TENM2: variants seen among roughly 807,000 people sequenced by gnomAD.
TENM2 encodes the protein teneurin transmembrane protein 2.
Under a neutral mutation model 245.2 loss-of-function variants are expected in TENM2, and 52 were observed. The observed-to-expected ratio is 0.21, with a 90% CI of 0.17 to 0.27. TENM2 has a LOEUF of 0.27. Among genes scored for constraint, TENM2 ranks in the 10% least tolerant of loss-of-function variants. The pLI is 1.00. For synonymous variants in TENM2, 1,363 were observed against 1,438.9 expected (o/e 0.95, Z 1.19); for missense variants, 3,046 against 3,666.8 (o/e 0.83, Z 4.37).
intron 7 of TENM2, among the ~76,000 whole-genome samples, chr5:168,080,608 C>T (rs1791906009): frequency 6.6e-6 from 1 of 152,130 alleles, no homozygotes. Flanking sequence ...TTAAGTGTGT[C>T]CCAGAGATTC....
chr5:167,389,540 C>T (rs567562972), intron 2 of TENM2, among the ~76,000 whole-genome samples: 15 of 151,998 alleles, frequency 9.9e-5, no homozygotes, highest in Non-Finnish European at 1.8e-4. Flanking sequence ...TAATGTAATC[C>T]ATTTCCTCAA....
chr5:166,986,378 A>G, the TENM2 span, among the ~76,000 whole-genome samples: 1 of 152,148 alleles, frequency 6.6e-6, no homozygotes, highest in South Asian at 2.1e-4. Context: ...AATCTTGAGC[A>G]CAGCTTATTT....
At chr5:167,233,136 CTG>C in the TENM2 span, among the ~76,000 whole-genome samples, 1 of 152,150 alleles carries the variant, frequency 6.6e-6, no homozygotes, top group South Asian at 2.1e-4. Flanking sequence ...ACTATGAGCT[CTG>C]GGGTTGGAGG....
chr5:167,568,314 A>G (rs1167500283), intron 2 of TENM2, among the ~76,000 whole-genome samples: 7 of 152,162 alleles, frequency 4.6e-5, no homozygotes, highest in Admixed American at 1.3e-4. Context: ...ATAGGGAGAT[A>G]GCAGGGTACA....
intron 2 of TENM2, among the ~76,000 whole-genome samples, chr5:167,431,963 A>ACT (rs1764273221): frequency 7.3e-6 from 1 of 137,196 alleles, no homozygotes; most frequent in Non-Finnish European, 1.5e-5. Flanking sequence ...ATATATATGT[A>ACT]TATATATATA....
At chr5:167,481,798 C>A (rs2127529705) in intron 2 of TENM2, among the ~76,000 whole-genome samples, 1 of 152,312 alleles carries the variant, frequency 6.6e-6, no homozygotes, top group Middle Eastern at 3.4e-3. Flanking sequence ...CTTTTCATTA[C>A]TAGACTGGTA....
chr5:167,755,735 A>G (rs965638080), intron 2 of TENM2, among the ~76,000 whole-genome samples: 1 of 152,148 alleles, frequency 6.6e-6, no homozygotes, highest in Non-Finnish European at 1.5e-5. Context: ...CCATTCTGTT[A>G]GCTGAATTTT....
At chr5:168,106,922 A>G (rs112281938) in intron 9 of TENM2, among the ~76,000 whole-genome samples, 2,847 of 152,278 alleles carry the variant, frequency 0.019, 92 homozygotes, top group African/African-American at 0.064. Context: ...TTAGCTGGGC[A>G]TGGTAGTGAA....
intron 2 of TENM2, among the ~76,000 whole-genome samples, chr5:167,752,678 A>G (rs1310938395): frequency 6.6e-6 from 1 of 152,188 alleles, no homozygotes; most frequent in African/African-American, 2.4e-5. Flanking sequence ...GATTTCATTC[A>G]CATTGGCTGA....
At chr5:167,346,717 C>T (rs1050328969) in intron 1 of TENM2, among the ~76,000 whole-genome samples, 1 of 152,094 alleles carries the variant, frequency 6.6e-6, no homozygotes, top group Non-Finnish European at 1.5e-5. Context: ...GTTTTGTACG[C>T]ACAGCAAGGA....
chr5:167,470,143 A>G (rs1766922100), intron 2 of TENM2, among the ~76,000 whole-genome samples: 1 of 152,186 alleles, frequency 6.6e-6, no homozygotes, highest in Admixed American at 6.5e-5. Context: ...TCAGAATGAA[A>G]TGGAACCATT....
chr5:167,791,768 A>G (rs977521436), intron 2 of TENM2, among the ~76,000 whole-genome samples: 5 of 152,042 alleles, frequency 3.3e-5, no homozygotes, highest in Non-Finnish European at 7.4e-5. Flanking sequence ...GTGAGCTAGA[A>G]TTAAAAACAA....
At chr5:167,006,113 A>C in the TENM2 span, among the ~76,000 whole-genome samples, 4 of 152,038 alleles carry the variant, frequency 2.6e-5, no homozygotes, top group Admixed American at 1.3e-4. Context: ...TCCCTGCACA[A>C]CTTTTTTCTT....
chr5:167,438,857 G>A (rs192447744), intron 2 of TENM2, among the ~76,000 whole-genome samples: 8 of 148,610 alleles, frequency 5.4e-5, no homozygotes, highest in South Asian at 2.2e-4. Flanking sequence ...GCAATGGCAC[G>A]ATCTCAGCTC....
At chr5:167,603,288 T>A (rs1242931261) in intron 2 of TENM2, among the ~76,000 whole-genome samples, 1 of 152,194 alleles carries the variant, frequency 6.6e-6, no homozygotes, top group Non-Finnish European at 1.5e-5. Flanking sequence ...TTGTTTAATG[T>A]CATCTATTTG....
At chr5:167,275,598 G>A in the TENM2 span, among the ~76,000 whole-genome samples, 2 of 151,988 alleles carry the variant, frequency 1.3e-5, no homozygotes, top group African/African-American at 4.8e-5. Context: ...TTGTATCTAA[G>A]TACTTCATTT....
At chr5:167,878,454 A>G (rs1398873908) in intron 3 of TENM2, among the ~76,000 whole-genome samples, 1 of 152,144 alleles carries the variant, frequency 6.6e-6, no homozygotes, top group African/African-American at 2.4e-5. Flanking sequence ...TGTTTTCAGC[A>G]GGTACTTATT....
chr5:168,062,346 T>C (rs1182373103), intron 7 of TENM2, 81 bp downstream of exon 9: 17 of 1,064,292 alleles, frequency 1.6e-5, no homozygotes, highest in Non-Finnish European at 2.2e-5. Context: ...CCACTTCACA[T>C]CCACTACAAT....
chr5:167,507,127 C>A (rs1440957341), intron 2 of TENM2, among the ~76,000 whole-genome samples: 1 of 152,018 alleles, frequency 6.6e-6, no homozygotes, highest in African/African-American at 2.4e-5. Flanking sequence ...AATGGTAAAC[C>A]AATTGTAATC....
Sources: gnomAD v4.1 joint callset for allele counts (sites outside exome capture counted in the v4.1 genomes callset) on GRCh38, gnomAD v4.1.1 for gene constraint, MANE v1.5 for transcripts, NCBI Gene and HGNC (gene_info 2026-07-23, HGNC 2026-07-21) for gene names.